COA1: variants seen among roughly 807,000 people sequenced by gnomAD.
COA1 encodes the protein cytochrome c oxidase assembly factor 1.
COA1 carries 13 observed loss-of-function variants against 16.0 expected under a neutral mutation model. The ratio of observed to expected loss-of-function variants is 0.81; its 90% CI spans 0.53 to 1.29. The LOEUF is 1.29. Ranked by LOEUF, COA1 falls within the 50% of genes most tolerant of loss-of-function variation. The pLI is 0.00. For synonymous variants in COA1, 65 were observed against 65.7 expected, an observed-to-expected ratio of 0.99 and a Z score of 0.05; for missense variants, 179 against 177.0, an observed-to-expected ratio of 1.01 and a Z score of -0.06.
At chr7:43,647,692 T>C (rs2153096054) in intron 2 of COA1, 58 bp from the exon 3 acceptor site, 5 of 1,388,962 alleles carry the variant, frequency 3.6e-6, no homozygotes, top group African/African-American at 1.4e-5. Context: ...CCAAGGGGAT[T>C]TGCCCGGCTT....
chr7:43,643,546 C>T (rs908715735), intron 4 of COA1, among the ~76,000 whole-genome samples: 4 of 152,224 alleles, frequency 2.6e-5, no homozygotes, highest in East Asian at 3.9e-4. Flanking sequence ...TCCTCTCTCA[C>T]GCAGTGTCGC....
At chr7:43,630,932 G>A (rs928651638) in intron 6 of COA1, among the ~76,000 whole-genome samples, 2 of 151,972 alleles carry the variant, frequency 1.3e-5, no homozygotes, top group African/African-American at 2.4e-5. Context: ...AACCTGCTAC[G>A]TACATTGAGA....
intron 4 of COA1, among the ~76,000 whole-genome samples, chr7:43,644,740 A>AGATAGATAGATAGATAGATAGATAGATG (rs1554501167): frequency 8.9e-4 from 76 of 85,286 alleles, no homozygotes; most frequent in Non-Finnish European, 1.5e-3. Flanking sequence ...ATAGATAGAT[A>AGATAGATAGATAGATAGATAGATAGATG]GATAGATAGA....
intron 4 of COA1, 64 bp downstream of exon 4, chr7:43,645,187 A>G: frequency 6.6e-7 from 1 of 1,523,396 alleles, no homozygotes; most frequent in Non-Finnish European, 9.0e-7. Context: ...ACTTTCCAGG[A>G]GACAGTAGAC....
At chr7:43,651,470 C>G (rs2090761635) in intron 1 of COA1, among the ~76,000 whole-genome samples, 4 of 152,118 alleles carry the variant, frequency 2.6e-5, no homozygotes, top group Admixed American at 2.6e-4. Context: ...AGTCAAAGCA[C>G]AGTCTGCTAA....
At position 43,648,528 on chromosome 7, in the gene COA1, T is replaced by C. The variant is rs756093032; in HGVS notation, c.15+72A>G. ...CCCATAACTATTCAGGGAGTGACTT[T>C]CTTCTATTGTCTAACTCGAGAATAC... is the stretch of plus-strand genomic sequence containing the variant. On this transcript the variant is annotated intron_variant, in intron 2 of 5. Transcript: ENST00000223336. 11 of 1,513,096 alleles carry C rather than the reference T, an allele frequency of 7.3e-6. No individual in the cohort carries two copies. In the East Asian group the frequency reaches 2.5e-4, roughly 34 times the overall value. 93.7% of individuals were successfully genotyped at this position (1,513,096 alleles called of 1,614,324 possible).
intron 1 of COA1, among the ~76,000 whole-genome samples, chr7:43,654,597 T>A: frequency 6.6e-6 from 1 of 151,130 alleles, no homozygotes; most frequent in African/African-American, 2.4e-5. Flanking sequence ...AAAATCCAAA[T>A]GCATAATGAA....
intron 6 of COA1, chr7:43,624,703 A>C (rs2084302635): frequency 8.1e-6 from 13 of 1,614,116 alleles, no homozygotes; most frequent in Non-Finnish European, 1.1e-5. Context: ...GTAACCGAAG[A>C]GTTAATTGTA....
chr7:43,636,261 A>G (rs570835563), downstream of COA1, among the ~76,000 whole-genome samples: 300 of 152,296 alleles, frequency 2.0e-3, 1 homozygote, highest in Non-Finnish European at 3.7e-3. Context: ...CCAGGAGCGC[A>G]TTACTAAGGA....
intron 1 of COA1, among the ~76,000 whole-genome samples, chr7:43,714,415 G>A (rs2095337420): frequency 6.6e-6 from 1 of 151,898 alleles, no homozygotes. Flanking sequence ...ATTGCCTGAG[G>A]TCAGGAGTTC....
chr7:43,662,207 A>T (rs751315370), intron 1 of COA1, among the ~76,000 whole-genome samples: 5 of 152,174 alleles, frequency 3.3e-5, no homozygotes, highest in Non-Finnish European at 7.3e-5. Context: ...CTACGCATCT[A>T]TTTGAGGACA....
At chr7:43,621,294 T>A (rs1053080) in intron 6 of COA1, among the ~76,000 whole-genome samples, 125,894 of 152,208 alleles carry the variant, frequency 0.83, 52,520 homozygotes, top group African/African-American at 0.94. Context: ...ACCACTAAGT[T>A]AGTTTTGGGG....
chr7:43,647,310 A>C (rs1026794327), intron 3 of COA1: 8 of 560,736 alleles, frequency 1.4e-5, no homozygotes, highest in Non-Finnish European at 1.9e-5. Context: ...TGGGCTTCTT[A>C]TGCATATTAG....
intron 1 of COA1, among the ~76,000 whole-genome samples, chr7:43,695,019 T>C (rs927843028): frequency 6.6e-6 from 1 of 152,192 alleles, no homozygotes; most frequent in Non-Finnish European, 1.5e-5. Context: ...ATTTTGTTGA[T>C]TCTACTTTCA....
intron 6 of COA1, among the ~76,000 whole-genome samples, chr7:43,611,671 A>G (rs1289586851): frequency 1.3e-5 from 2 of 152,200 alleles, no homozygotes; most frequent in African/African-American, 2.4e-5. Context: ...TCACTGGGCT[A>G]ATACTTTAAG....
intron 1 of COA1, among the ~76,000 whole-genome samples, chr7:43,666,537 G>C (rs2092904126): frequency 2.0e-5 from 3 of 152,138 alleles, no homozygotes; most frequent in African/African-American, 7.2e-5. Flanking sequence ...TTGGCTTAAA[G>C]AAAAATAAGC....
At chr7:43,647,838 G>A (rs1469985863) in intron 2 of COA1, 1 of 579,728 alleles carries the variant, frequency 1.7e-6, no homozygotes, top group Non-Finnish European at 3.1e-6. Flanking sequence ...CCTCTCGAGA[G>A]TGGCCCATGT....
intron 3 of COA1, chr7:43,646,758 A>G (rs1584340026): frequency 2.6e-6 from 1 of 380,818 alleles, no homozygotes; most frequent in South Asian, 1.9e-5. Context: ...AACTCCACCA[A>G]CTCTGCAGGA....
chr7:43,710,525 G>A (rs964161888), intron 1 of COA1, among the ~76,000 whole-genome samples: 9 of 151,458 alleles, frequency 5.9e-5, no homozygotes, highest in Non-Finnish European at 1.3e-4. Flanking sequence ...CTCTTTGGTA[G>A]GTGAAGAATA....
Sources: allele counts gnomAD v4.1 joint callset (sites outside exome capture counted in the v4.1 genomes callset), GRCh38; gene constraint gnomAD v4.1.1; transcripts MANE v1.5; gene names NCBI Gene and HGNC (gene_info 2026-07-23, HGNC 2026-07-21).